The following PLEKHM1 variants were observed in gnomAD, a reference collection of about 807,000 sequenced individuals.
The protein encoded by PLEKHM1 is pleckstrin homology and RUN domain containing M1, also known as pleckstrin homology domain-containing family M member 1.
PLEKHM1 carries 28 observed loss-of-function variants against 94.3 expected under a neutral mutation model. The ratio of observed to expected loss-of-function variants is 0.30; its 90% CI spans 0.22 to 0.41. The LOEUF (loss-of-function observed/expected upper bound fraction) is 0.41. Ranked by LOEUF, PLEKHM1 falls within the 10% of genes least tolerant of loss-of-function variation. The pLI is 1.00. For synonymous variants in PLEKHM1, 424 were observed against 581.2 expected (o/e 0.73, Z 3.89); for missense variants, 907 against 1,358.6 (o/e 0.67, Z 5.22).
chr17:45,486,643 G>A (rs1198792796), intron 1 of PLEKHM1, among the ~76,000 whole-genome samples: 4 of 151,988 alleles, frequency 2.6e-5, no homozygotes, highest in Non-Finnish European at 5.9e-5. Context: ...GGGTCACTTG[G>A]CCTAAAACAG....
At chr17:45,455,243 A>G (rs1341837138) in intron 6 of PLEKHM1, among the ~76,000 whole-genome samples, 1 of 152,056 alleles carries the variant, frequency 6.6e-6, no homozygotes, top group East Asian at 1.9e-4. Flanking sequence ...GAGATGGTCA[A>G]TGCCCTCCTC....
Position 45,439,468 on chromosome 17 carries a change from C to T in PLEKHM1, c.3059+9G>A. ...GGCTGGAAGGCGGCTGGCTGGGTGT[C>T]CCGCATACCTGACTGTGGTGTCAAA... On this transcript the variant is annotated intron_variant, in intron 11 of 11. Transcript: ENST00000430334. 1 of 1,614,082 alleles carries T rather than the reference C, an allele frequency of 6.2e-7. No homozygotes were observed. The highest frequency in any genetic ancestry group is 8.5e-7 in the Non-Finnish European group (1 of 1,180,004).
Position 45,458,261 on chromosome 17 carries a change from T to A in PLEKHM1, c.1487A>T (p.Gln496Leu). 1 of 1,611,008 alleles carries A rather than the reference T, an allele frequency of 6.2e-7. No homozygotes were observed. Among genetic ancestry groups the A allele is most frequent in the Non-Finnish European group, 8.5e-7 (1 of 1,178,450 alleles). ...RKNCSLGALD[Q>L]ACVPSPGRRQ... is the part of the protein sequence containing the mutation. ...TCTTCCTGGGGAAGGTACACACGCT[T>A]GGTCTAACGCCCCCAGGGAGCAGTT... The change falls in exon 6 of 12, where the codon CAA becomes CTA. Residue 496 changes from glutamine to leucine, a missense_variant. Gln to Leu is a moderately radical substitution (Grantham distance 113). Transcript: ENST00000430334.
intron 11 of PLEKHM1, among the ~76,000 whole-genome samples, chr17:45,438,181 C>T (rs1223362243): frequency 6.6e-6 from 1 of 152,246 alleles, no homozygotes; most frequent in Non-Finnish European, 1.5e-5. Context: ...ATTCTCTGTC[C>T]TATTGCATTT....
intron 2 of PLEKHM1, among the ~76,000 whole-genome samples, chr17:45,479,759 CT>C (rs2051885043): frequency 6.6e-6 from 1 of 152,164 alleles, no homozygotes; most frequent in Non-Finnish European, 1.5e-5. Context: ...GGCACTAAGA[CT>C]AGTGTTTTAT....
At chr17:45,434,371 C>T (rs1168693725), downstream of PLEKHM1, 1 of 152,206 alleles carries the variant, frequency 6.6e-6, no homozygotes. Flanking sequence ...GATAGTAACA[C>T]CCACTTCACT....
intron 5 of PLEKHM1, among the ~76,000 whole-genome samples, chr17:45,460,879 TTTG>T (rs932908195): frequency 2.5e-4 from 38 of 151,256 alleles, no homozygotes; most frequent in Non-Finnish European, 2.1e-4. Flanking sequence ...TGTTTTTTGT[TTTG>T]TTGTTGTTGT....
At position 45,458,177 on chromosome 17, in the gene PLEKHM1, C is replaced by T; in HGVS notation, c.1571G>A (p.Arg524Lys). Reference protein sequence around the residue: ...GHKSFRVVHRRQMGLSNPFRG... With the variant: ...GHKSFRVVHRKQMGLSNPFRG... ...CCCTCCTGGTAACCTACCCATCTGT[C>T]TCCGGTGTACCACCCGGAAGCTCTT... Residue 524 changes from arginine to lysine, a missense_variant, in exon 6 of 12, where the codon AGA becomes AAA. Transcript: ENST00000430334. 6.2e-7 allele frequency: 1 copy of T among 1,613,466 alleles called. No individual in the cohort carries two copies. Among genetic ancestry groups the T allele is most frequent in the Non-Finnish European group, 8.5e-7 (1 of 1,179,666 alleles).
intron 5 of PLEKHM1, among the ~76,000 whole-genome samples, chr17:45,465,703 C>G (rs2051298849): frequency 7.5e-6 from 1 of 134,028 alleles, no homozygotes; most frequent in Admixed American, 7.5e-5. Context: ...GAGTGAGACT[C>G]TGCCTCAAAA....
chr17:45,454,016 T>C lies in PLEKHM1; in HGVS notation c.1836A>G (p.Glu612=), dbSNP rs779995813. Residue 612 remains glutamate, a synonymous_variant, in exon 7 of 12, where the codon GAA becomes GAG. Coordinates refer to ENST00000430334, the MANE Select transcript of PLEKHM1 (RefSeq NM_014798.3). Reference sequence around the variant, plus strand: ...GCACCCGGTCCAGCCAGTCCTCAGCTTCGTCCTGGGAGGAGGCGCGCAGGG... The same window carrying C: ...GCACCCGGTCCAGCCAGTCCTCAGCCTCGTCCTGGGAGGAGGCGCGCAGGG... ...KLALRASSQD[E]AEDWLDRVRE... is the part of the protein sequence containing the mutation. 1.9e-6 allele frequency: 3 copies of C among 1,614,060 alleles called. No individual in the cohort carries two copies. The highest frequency in any genetic ancestry group is 1.7e-4 in the Middle Eastern group (1 of 6,060).
rs1188255818 is a variant in PLEKHM1 at position 45,436,415 on chromosome 17, G to C, written c.*1443C>G. Reference sequence around the variant, plus strand: ...CTCTGTTCTGCTGCACAGGCATCCAGCTCCAAGGCTGGGTGGGTGACTCAG... The same window carrying C: ...CTCTGTTCTGCTGCACAGGCATCCACCTCCAAGGCTGGGTGGGTGACTCAG... On this transcript the variant is annotated 3_prime_UTR_variant, in exon 12 of 12. Coordinates refer to ENST00000430334, the MANE Select transcript of PLEKHM1 (RefSeq NM_014798.3). 2.2e-6 allele frequency: 1 copy of C among 453,444 alleles called. No homozygotes were observed. The highest frequency in any genetic ancestry group is 2.0e-5 in the African/African-American group (1 of 50,004). 28.1% of individuals were successfully genotyped at this position (453,444 alleles called of 1,614,324 possible).
At chr17:45,474,493 G>A (rs1398023150) in intron 4 of PLEKHM1, among the ~76,000 whole-genome samples, 1 of 152,102 alleles carries the variant, frequency 6.6e-6, no homozygotes, top group Non-Finnish European at 1.5e-5. Context: ...CAGCACTCAG[G>A]TCCTGTGTCC....
In PLEKHM1 at chr17:45,445,654, G is replaced by A. The variant is rs762427946; in HGVS notation, c.2653C>T (p.Gln885Ter). 1.9e-6 allele frequency: 3 copies of A among 1,613,582 alleles called. No individual in the cohort carries two copies. The highest frequency in any genetic ancestry group is 2.5e-6 in the Non-Finnish European group (3 of 1,179,830). ...WDLTKRPICR[Q>*]ALKFLTQIRA... The stretch of plus-strand genomic sequence containing the variant: ...ATCTGTGTCAGAAACTTCAGGGCCT[G>A]CCTGCAGATCTGGGGGTACCACCAG... The change falls in exon 9 of 12, where the codon CAG becomes TAG. Residue 885 changes from glutamine to a stop codon, truncating the protein, a stop_gained. Coordinates refer to ENST00000430334, the MANE Select transcript of PLEKHM1 (RefSeq NM_014798.3). LOFTEE classifies it high-confidence loss of function. This position sits in a 1 kb window ranked among gnomAD's most constrained non-coding sequence, Gnocchi z 4.2.
chr17:45,439,403 C>G, intron 11 of PLEKHM1, 74 bp downstream of exon 11: 1 of 1,538,886 alleles, frequency 6.5e-7, no homozygotes, highest in African/African-American at 1.4e-5. Context: ...GCCTGCTGCC[C>G]TGCGTGCTTG....
intron 2 of PLEKHM1, among the ~76,000 whole-genome samples, chr17:45,481,657 T>G (rs1457805256): frequency 6.4e-5 from 6 of 93,086 alleles, no homozygotes; most frequent in Admixed American, 2.5e-4. Context: ...CGGCAGGCAC[T>G]GGGGGTGGGA....
chr17:45,458,375 C>T lies in PLEKHM1; in HGVS notation c.1373G>A (p.Ser458Asn). 2 of 1,613,994 alleles carry T rather than the reference C, an allele frequency of 1.2e-6. No homozygotes were observed. The highest frequency in any genetic ancestry group is 8.5e-7 in the Non-Finnish European group (1 of 1,179,830). The change falls in exon 6 of 12, where the codon AGT becomes AAT. Residue 458 changes from serine to asparagine, a missense_variant. By Grantham distance (46) the Ser-to-Asn change is conservative (BLOSUM62 1). Coordinates refer to ENST00000430334, the MANE Select transcript of PLEKHM1 (RefSeq NM_014798.3). ...AGAAGCTATTGGGTGGTCTGAAGCACTCTCCAGGGGTTGCTCCCGGGAAGG... is the reference window on the plus strand; with the variant it reads ...AGAAGCTATTGGGTGGTCTGAAGCATTCTCCAGGGGTTGCTCCCGGGAAGG... Reference protein sequence around the residue: ...YRPSREQPLESASDHPIASYR... With the variant: ...YRPSREQPLENASDHPIASYR...
intron 1 of PLEKHM1, among the ~76,000 whole-genome samples, chr17:45,485,982 C>T (rs1053776101): frequency 7.3e-5 from 11 of 150,670 alleles, no homozygotes; most frequent in African/African-American, 2.7e-4. Flanking sequence ...TTTGGGAGGC[C>T]GAGGCCGGCG....
chr17:45,457,172 G>GAAAAAAA (rs980455854), intron 6 of PLEKHM1, among the ~76,000 whole-genome samples: 1 of 56,322 alleles, frequency 1.8e-5, no homozygotes, highest in Admixed American at 2.0e-4. Flanking sequence ...CTCTGCCTCA[G>GAAAAAAA]AAAAAAAAAA....
At chr17:45,487,860 A>C (rs1023870249) in intron 1 of PLEKHM1, 24 of 455,420 alleles carry the variant, frequency 5.3e-5, no homozygotes, top group African/African-American at 3.8e-4. Flanking sequence ...GAATTGTGTA[A>C]CTGGCTGTTC....
Sources: allele counts gnomAD v4.1 joint callset (sites outside exome capture counted in the v4.1 genomes callset), GRCh38; gene constraint gnomAD v4.1.1; non-coding constraint Gnocchi (gnomAD v3.1); transcripts MANE v1.5; gene names NCBI Gene and HGNC (gene_info 2026-07-23, HGNC 2026-07-21).